Variants in SPTBN5 observed in about 807,000 individuals in gnomAD.
SPTBN5 encodes spectrin beta chain, non-erythrocytic 5.
Under a neutral mutation model 477.6 loss-of-function variants are expected in SPTBN5, and 513 were observed. The ratio of observed to expected loss-of-function variants is 1.07; its 90% confidence interval spans 1.00 to 1.16. SPTBN5 has a LOEUF of 1.16. Ranked by LOEUF, SPTBN5 falls within the 50% of genes most tolerant of loss-of-function variation. The probability of loss-of-function intolerance (pLI) is 0.00; values close to 1 mark genes in which losing one functional copy is unlikely to be tolerated. For synonymous variants in SPTBN5, 2,169 were observed against 2,011.7 expected (o/e 1.08, Z -2.09); for missense variants, 5,062 against 4,731.8 (o/e 1.07, Z -2.05).
intron 3 of SPTBN5, among the ~76,000 whole-genome samples, chr15:41,892,267 C>T (rs1464119167): frequency 2.0e-5 from 3 of 152,190 alleles, no homozygotes; most frequent in Non-Finnish European, 2.9e-5. Context: ...TTGGCCTTCA[C>T]AGTTCCCGGT....
chr15:41,865,401 C>G (rs1309600083), intron 39 of SPTBN5, among the ~76,000 whole-genome samples: 4 of 152,182 alleles, frequency 2.6e-5, no homozygotes, highest in Non-Finnish European at 5.9e-5. Context: ...CTGTGCCCTT[C>G]CCCAGCTTCC....
chr15:41,855,375 A>C lies in SPTBN5; in HGVS notation c.9272T>G (p.Leu3091Arg). ...GTGCCCCCTGGCCTCCGCCCTCCGCAGCAGCTCTGCGTGGGCCTCCCGAAC... is the reference window on the plus strand; with the variant it reads ...GTGCCCCCTGGCCTCCGCCCTCCGCCGCAGCTCTGCGTGGGCCTCCCGAAC... ...QAVREAHAEL[L>R]RRAEARGHGL... Residue 3091 changes from leucine to arginine, a missense_variant, in exon 55 of 68, where the codon CTG (leucine) becomes CGG (arginine). By Grantham distance (102) the Leu-to-Arg change is moderately radical. Coordinates refer to ENST00000320955, the MANE Select transcript of SPTBN5 (RefSeq NM_016642.4). The C allele has an allele frequency of 6.2e-7, 1 of 1,605,148 alleles. No individual in the cohort carries two copies. The highest frequency in any genetic ancestry group is 1.1e-5 in the South Asian group (1 of 91,040).
Position 41,855,749 on chromosome 15 carries a change from G to C in SPTBN5, c.9022-4C>G, listed in dbSNP as rs763134024. On this transcript the variant is annotated splice_region_variant and splice_polypyrimidine_tract_variant and intron_variant, in intron 53 of 67. Coordinates refer to ENST00000320955, the MANE Select transcript of SPTBN5 (RefSeq NM_016642.4). ...GCCAGGATCCCGCCTCCAGGAGCTG[G>C]GGGTGACAGAGTGGAGATCCGTTTT... 1 of 1,571,674 alleles carries C rather than the reference G, an allele frequency of 6.4e-7. No individual in the cohort carries two copies. Among genetic ancestry groups the C allele is most frequent in the Non-Finnish European group, 8.6e-7 (1 of 1,159,822 alleles).
At position 41,880,000 on chromosome 15, in the gene SPTBN5, C is replaced by T. The variant is rs537009154; in HGVS notation, c.2812-136G>A. On this transcript the variant is annotated intron_variant, in intron 14 of 67. Coordinates refer to ENST00000320955, the MANE Select transcript of SPTBN5 (RefSeq NM_016642.4). ...GCCTGCCCCTGGAAAGACAGCCATC[C>T]GAGTCCTTAAGGGCCAGGAGGCCCT... 118 of 1,432,038 alleles carry T rather than the reference C, an allele frequency of 8.2e-5. No individual in the cohort carries two copies. The South Asian group carries it at 1.4e-3, about 17-fold the overall frequency. 88.7% of individuals were successfully genotyped at this position (1,432,038 alleles called of 1,614,324 possible).
rs780180743 is a variant in SPTBN5 at position 41,862,882 on chromosome 15, CCAGGGCCTGGAT to C, written c.7159_7170del (p.Ile2387_Leu2390del). ...ACGCTCTCCAGATCTTTCCCACAGT[CCAGGGCCTGGAT>C]CAGGGCTTCCTGGAGGAGGGGCACG... On this transcript the variant is annotated inframe_deletion, in exon 42 of 68. Transcript: ENST00000320955. The C allele has an allele frequency of 1.9e-6, 3 of 1,584,584 alleles. No individual in the cohort carries two copies. In the Admixed American group the frequency reaches 5.4e-5, roughly 28 times the overall value.
intron 15 of SPTBN5, 77 bp from the exon 16 acceptor site, chr15:41,879,576 C>T (rs2066877027): frequency 1.6e-5 from 24 of 1,522,558 alleles, no homozygotes; most frequent in Non-Finnish European, 1.9e-5. Context: ...CAGAGCCTCA[C>T]GTGACAGAAG....
chr15:41,853,359 C>T lies in SPTBN5; in HGVS notation c.10069G>A (p.Glu3357Lys). The T allele has an allele frequency of 6.2e-7, 1 of 1,612,642 alleles. No individual in the cohort carries two copies. The highest frequency in any genetic ancestry group is 1.1e-5 in the South Asian group (1 of 91,060). Residue 3357 changes from glutamate to lysine, a missense_variant, in exon 59 of 68, where the codon GAA becomes AAA. Glu to Lys is a moderately conservative substitution (Grantham distance 56, BLOSUM62 1). Transcript: ENST00000320955. ...TCCCTGATTTCTTGCCCCAGCTCTT[C>T]ATGCTGCCCAAGGAGCTGCTCAGCC... is the stretch of plus-strand genomic sequence containing the variant. ...AGAEQLLGQH[E>K]ELGQEIRECR...
intron 61 of SPTBN5, 102 bp from the exon 62 acceptor site, chr15:41,852,418 G>A: frequency 1.4e-6 from 2 of 1,444,662 alleles, no homozygotes; most frequent in East Asian, 2.5e-5. Context: ...CCGGTCAGAG[G>A]GGGCCTGCCT....
At position 41,867,637 on chromosome 15, in the gene SPTBN5, G is replaced by A; in HGVS notation, c.6213C>T (p.Ser2071=). ...LEEILAAQEV[S]LKTSALGSSV... ...AGCTCCCCAAGGCACTGGTTTTCAG[G>A]GAGACCTGGATCCACAGAAAAGTCA... The change falls in exon 35 of 68, where the codon TCC becomes TCT. Residue 2071 remains serine, a synonymous_variant. Coordinates refer to ENST00000320955, the MANE Select transcript of SPTBN5 (RefSeq NM_016642.4). 1 of 1,613,390 alleles carries A rather than the reference G, an allele frequency of 6.2e-7. No homozygotes were observed. The highest frequency in any genetic ancestry group is 8.5e-7 in the Non-Finnish European group (1 of 1,179,856).
chr15:41,883,220 G>T lies in SPTBN5; in HGVS notation c.1668C>A (p.Ala556=). 6.8e-6 allele frequency: 11 copies of T among 1,609,930 alleles called. No individual in the cohort carries two copies. The highest frequency in any genetic ancestry group is 9.3e-6 in the Non-Finnish European group (11 of 1,178,406). The change falls in exon 9 of 68, where the codon GCC becomes GCA. Residue 556 remains alanine (A), a synonymous_variant. Transcript: ENST00000320955. ...GCTGCTGCCCACAGGCGGTGGACCT[G>T]GCCGGCTCCTGGCCAGAGATGATGG... ...SHQLEELQEP[A]RSTACGQQLA...
At chr15:41,880,339 G>C (rs754976904) in intron 13 of SPTBN5, 27 bp from the exon 14 acceptor site, 2 of 1,576,016 alleles carry the variant, frequency 1.3e-6, no homozygotes, top group Non-Finnish European at 1.7e-6. Context: ...CAAGGCTGGG[G>C]TGAGGGTCAG....
At position 41,850,878 on chromosome 15, in the gene SPTBN5, A is replaced by G; in HGVS notation, c.10897T>C (p.Trp3633Arg). ...APSEEQAESW[W>R]RALGSTAAQS... ...CCTGCAGTGCTGCCCAGGGCTCGCC[A>G]CCAGCTCTCAGCCTGCTCTTCGGAC... Residue 3633 changes from tryptophan (W) to arginine (R), a missense_variant, in exon 66 of 68, where the codon TGG (tryptophan) becomes CGG (arginine). Transcript: ENST00000320955. The G allele has an allele frequency of 6.2e-7, 1 of 1,602,364 alleles. No homozygotes were observed. The highest frequency in any genetic ancestry group is 1.1e-5 in the South Asian group (1 of 88,586).
At chr15:41,884,296 T>A (rs1273432740) in intron 7 of SPTBN5, among the ~76,000 whole-genome samples, 1 of 151,942 alleles carries the variant, frequency 6.6e-6, no homozygotes, top group Non-Finnish European at 1.5e-5. Flanking sequence ...AATTTTTGTA[T>A]TTTTAGTAGA....
At position 41,885,947 on chromosome 15, in the gene SPTBN5, G is replaced by T. The variant is rs761866066; in HGVS notation, c.1308C>A (p.Ala436=). 1.3e-6 allele frequency: 2 copies of T among 1,564,612 alleles called. No individual in the cohort carries two copies. The highest frequency in any genetic ancestry group is 2.3e-5 in the East Asian group (1 of 42,764). ...TLARRFQHKA[A]LRESFLKDAE... is the part of the protein sequence containing the mutation. The stretch of plus-strand genomic sequence containing the variant: ...CATCCTTAAGGAAACTCTCCCGGAG[G>T]GCTGCCTTGTGCTGGAAGCGCCGGG... Residue 436 remains alanine (A), a synonymous_variant, in exon 7 of 68, where the codon GCC becomes GCA. Transcript: ENST00000320955.
Position 41,867,011 on chromosome 15 carries a change from TGTCCCCG to T in SPTBN5, c.6421_6427del (p.Arg2141ThrfsTer8), listed in dbSNP as rs1567202049. 2.6e-6 allele frequency: 4 copies of T among 1,561,864 alleles called. No homozygotes were observed. Among genetic ancestry groups the T allele is most frequent in the Non-Finnish European group, 3.5e-6 (4 of 1,153,568 alleles). On this transcript the variant is annotated frameshift_variant, in exon 36 of 68. Transcript: ENST00000320955. LOFTEE classifies it high-confidence loss of function. Reference sequence around the variant, plus strand: ...CATCAGCAGGGAGGCATGCAGGGCGTGTCCCCGGCTCTCCGCCAGCTCCTTCACTCTC... The same window carrying T: ...CATCAGCAGGGAGGCATGCAGGGCGTGCTCTCCGCCAGCTCCTTCACTCTC...
Position 41,893,288 on chromosome 15 carries a change from G to T in SPTBN5, c.210C>A (p.Cys70Ter), listed in dbSNP as rs754207951. ...CACAGCTGGCTATACTCACCTGGCC[G>T]CACTGGAAGACGTTATTGATCCACT... ...FTKWINNVFQCGQAGIKIRNL... is the reference protein window; with the variant it reads ...FTKWINNVFQ Residue 70 changes from cysteine (C) to a stop codon, truncating the protein, a stop_gained, in exon 2 of 68, where the codon TGC (cysteine) becomes TGA (stop). Coordinates refer to ENST00000320955, the MANE Select transcript of SPTBN5 (RefSeq NM_016642.4). LOFTEE classifies it high-confidence loss of function. 1.9e-6 allele frequency: 3 copies of T among 1,613,842 alleles called. No homozygotes were observed. The highest frequency in any genetic ancestry group is 2.5e-6 in the Non-Finnish European group (3 of 1,179,896).
chr15:41,885,293 G>A (rs1011375838), intron 7 of SPTBN5, among the ~76,000 whole-genome samples: 64 of 152,120 alleles, frequency 4.2e-4, no homozygotes, highest in African/African-American at 1.5e-3. Flanking sequence ...CAACGTGCTG[G>A]GATTACAGGC....
rs901642769 is a variant in SPTBN5 at position 41,868,476 on chromosome 15, C to G, written c.5979G>C (p.Glu1993Asp). ...CCTGCTGCCACAGCTTCTCCCGGGCCTCCAGCTCCGCCCGGAGCCACTGGT... is the reference window on the plus strand; with the variant it reads ...CCTGCTGCCACAGCTTCTCCCGGGCGTCCAGCTCCGCCCGGAGCCACTGGT... ...SAHQWLRAEL[E>D]AREKLWQQAT... The change falls in exon 33 of 68, where the codon GAG becomes GAC. Residue 1993 changes from glutamate to aspartate, a missense_variant. Physicochemically the swap from Glu to Asp is conservative, Grantham distance 45. Transcript: ENST00000320955. 7 of 1,611,560 alleles carry G rather than the reference C, an allele frequency of 4.3e-6. No homozygotes were observed. The highest frequency in any genetic ancestry group is 5.9e-6 in the Non-Finnish European group (7 of 1,179,382).
Position 41,854,925 on chromosome 15 carries a change from G to A in SPTBN5, c.9475C>T (p.Gln3159Ter), listed in dbSNP as rs775127582. 5 of 1,585,350 alleles carry A rather than the reference G, an allele frequency of 3.2e-6. No individual in the cohort carries two copies. The highest frequency in any genetic ancestry group is 1.7e-6 in the Non-Finnish European group (2 of 1,167,398). Residue 3159 changes from glutamine (Q) to a stop codon, truncating the protein, a stop_gained, in exon 56 of 68, where the codon CAG becomes TAG. Transcript: ENST00000320955. LOFTEE classifies it high-confidence loss of function. ...AFRKEVQSLG[Q>*]AKVYALRKLA... ...TTCCTCAGGGCATACACCTTGGCCT[G>A]GCCCAGGCTCTGCACTTCCTTTCTG... is the stretch of plus-strand genomic sequence containing the variant.
Sources: gnomAD v4.1 joint callset for allele counts (sites outside exome capture counted in the v4.1 genomes callset) on GRCh38, gnomAD v4.1.1 for gene constraint, MANE v1.5 for transcripts, NCBI Gene and HGNC (gene_info 2026-07-23, HGNC 2026-07-21) for gene names.